The following BPIFC variants were observed in gnomAD, a reference collection of about 807,000 sequenced individuals.
The protein encoded by BPIFC is BPI fold-containing family C protein.
BPIFC carries 60 observed loss-of-function variants against 57.6 expected under a neutral mutation model. The observed-to-expected ratio is 1.04, with a 90% CI of 0.85 to 1.29. The LOEUF (loss-of-function observed/expected upper bound fraction) is 1.29. BPIFC is among the 50% of genes most tolerant of loss of function. BPIFC has a pLI of 0.00. For missense variants in BPIFC, 581 were observed against 600.5 expected (o/e 0.97, Z 0.34); for synonymous variants, 243 against 224.5 (o/e 1.08, Z -0.74).
At chr22:32,458,454 T>A (rs1935092708) in intron 2 of BPIFC, among the ~76,000 whole-genome samples, 1 of 152,238 alleles carries the variant, frequency 6.6e-6, no homozygotes, top group East Asian at 1.9e-4. Flanking sequence ...GACTCCACCA[T>A]TGCTTTATTT....
chr22:32,416,948 G>A (rs1933695748), intron 15 of BPIFC, 137 bp downstream of exon 15: 1 of 872,490 alleles, frequency 1.1e-6, no homozygotes, highest in East Asian at 2.5e-5. Flanking sequence ...AAATTCTGAC[G>A]CTGGCCTGGA....
intron 14 of BPIFC, 26 bp downstream of exon 14, chr22:32,419,336 G>GT (rs768036168): frequency 6.2e-7 from 1 of 1,604,738 alleles, no homozygotes; most frequent in Non-Finnish European, 8.5e-7. Flanking sequence ...CCAGTGCTTG[G>GT]TAACCCCAAG....
At chr22:32,422,996 T>C (rs1329753971) in intron 13 of BPIFC, among the ~76,000 whole-genome samples, 1 of 152,112 alleles carries the variant, frequency 6.6e-6, no homozygotes, top group African/African-American at 2.4e-5. Context: ...ACTGAATGGA[T>C]GTGTGGATAA....
intron 3 of BPIFC, among the ~76,000 whole-genome samples, chr22:32,456,164 G>C (rs9621456): frequency 0.29 from 44,670 of 152,158 alleles, 6,996 homozygotes; most frequent in East Asian, 0.57. Flanking sequence ...ACTGTTACAA[G>C]ATATCTGTTT....
At chr22:32,439,599 T>C (rs940027586) in intron 8 of BPIFC, among the ~76,000 whole-genome samples, 1 of 146,342 alleles carries the variant, frequency 6.8e-6, no homozygotes, top group Non-Finnish European at 1.5e-5. Context: ...TAAGCCACCA[T>C]AGTTTTTATT....
intron 5 of BPIFC, 36 bp downstream of exon 5, chr22:32,447,176 C>A: frequency 6.7e-7 from 1 of 1,497,900 alleles, no homozygotes. Context: ...TCACATTCTC[C>A]CAGAACAGCT....
Position 32,445,830 on chromosome 22 carries a change from C to A in BPIFC, c.530+11G>T. The A allele has an allele frequency of 9.9e-6, 16 of 1,613,372 alleles. No individual in the cohort carries two copies. The highest frequency in any genetic ancestry group is 1.4e-5 in the Non-Finnish European group (16 of 1,179,778). On this transcript the variant is annotated intron_variant, in intron 6 of 16. Coordinates refer to ENST00000300399, the MANE Select transcript of BPIFC (RefSeq NM_174932.3). ...TAACTAGCCACTGCCCAACCCAGGG[C>A]TCTCATTCACCTGAGTTCTCCGGAA...
chr22:32,422,040 G>T (rs1043793071), intron 13 of BPIFC, among the ~76,000 whole-genome samples: 6 of 152,166 alleles, frequency 3.9e-5, no homozygotes. Flanking sequence ...AGCTGGGAGA[G>T]CACAGCAGGG....
At chr22:32,428,253 G>GTC (rs1491015858) in intron 13 of BPIFC, among the ~76,000 whole-genome samples, 1 of 93,084 alleles carries the variant, frequency 1.1e-5, no homozygotes, top group Non-Finnish European at 1.9e-5. Flanking sequence ...ATTAAAACGT[G>GTC]TGTGTGTGTG....
Position 32,417,119 on chromosome 22 carries a change from G to C in BPIFC, c.1290C>G (p.Ser430=), listed in dbSNP as rs1933701933. The part of the protein sequence containing the change: ...EVLRFENILS[S]ILHFGVLPLA... Reference sequence around the variant, plus strand: ...GTGGGAGGACTCCAAAGTGAAGAATGGACGATAGAATATTTTCAAACCTCA... The same window carrying C: ...GTGGGAGGACTCCAAAGTGAAGAATCGACGATAGAATATTTTCAAACCTCA... Residue 430 remains serine (S), a synonymous_variant, in exon 15 of 17, where the codon TCC becomes TCG. Transcript: ENST00000300399. 6.2e-7 allele frequency: 1 copy of C among 1,606,466 alleles called. No homozygotes were observed. Among genetic ancestry groups the C allele is most frequent in the Non-Finnish European group, 8.5e-7 (1 of 1,173,550 alleles).
chr22:32,438,982 T>A (rs1934486463), intron 8 of BPIFC, among the ~76,000 whole-genome samples: 1 of 152,130 alleles, frequency 6.6e-6, no homozygotes. Context: ...ATTTTCAGAA[T>A]AAAGCAGAAG....
At chr22:32,433,641 C>T (rs182361477) in intron 11 of BPIFC, 78 bp downstream of exon 11, 60 of 1,302,936 alleles carry the variant, frequency 4.6e-5, no homozygotes, top group African/African-American at 4.4e-4. Context: ...AAAAGGAATA[C>T]GTAGAACCCA....
intron 2 of BPIFC, among the ~76,000 whole-genome samples, chr22:32,458,510 T>C (rs184608589): frequency 1.3e-5 from 2 of 152,220 alleles, no homozygotes; most frequent in South Asian, 2.1e-4. Flanking sequence ...CAGTTACTGA[T>C]GTGTGTATTG....
chr22:32,432,300 G>C, intron 12 of BPIFC, 73 bp downstream of exon 12: 1 of 1,519,642 alleles, frequency 6.6e-7, no homozygotes, highest in Non-Finnish European at 9.0e-7. Flanking sequence ...ACGTTTAAAA[G>C]CTGCTGGCCA....
At chr22:32,455,301 G>A (rs894359152) in intron 3 of BPIFC, among the ~76,000 whole-genome samples, 16 of 151,690 alleles carry the variant, frequency 1.1e-4, no homozygotes, top group African/African-American at 3.1e-4. Flanking sequence ...CTCCTGCCTC[G>A]GCCTCCCAAA....
chr22:32,449,316 G>A (rs1934821379), intron 4 of BPIFC, among the ~76,000 whole-genome samples: 2 of 152,214 alleles, frequency 1.3e-5, no homozygotes, highest in African/African-American at 4.8e-5. Flanking sequence ...GGGGCGGGGA[G>A]ACAAAATGAC....
chr22:32,436,312 G>C (rs919378901), intron 9 of BPIFC, among the ~76,000 whole-genome samples: 76 of 139,470 alleles, frequency 5.4e-4, no homozygotes, highest in African/African-American at 2.0e-3. Context: ...AAGAAGAAGA[G>C]GAAGAGGAAG....
At chr22:32,415,845 A>G (rs940941338) in intron 16 of BPIFC, 70 bp downstream of exon 16, 1 of 1,109,482 alleles carries the variant, frequency 9.0e-7, no homozygotes, top group Middle Eastern at 2.1e-4. Context: ...AAAAACAAGC[A>G]AAACAGGAGG....
chr22:32,428,250 CGTGT>C (rs34028436), intron 13 of BPIFC, among the ~76,000 whole-genome samples: 17,908 of 143,306 alleles, frequency 0.12, 1,672 homozygotes, highest in African/African-American at 0.26. Flanking sequence ...TACATTAAAA[CGTGT>C]GTGTGTGTGT....
Sources: allele counts gnomAD v4.1 joint callset (sites outside exome capture counted in the v4.1 genomes callset), GRCh38; gene constraint gnomAD v4.1.1; transcripts MANE v1.5; gene names NCBI Gene and HGNC (gene_info 2026-07-23, HGNC 2026-07-21).